Variants in DZIP3 observed in about 807,000 individuals in gnomAD.
DZIP3 encodes E3 ubiquitin-protein ligase DZIP3.
In DZIP3, 118 loss-of-function variants were observed where a neutral mutation model predicts 162.0. The ratio of observed to expected loss-of-function variants is 0.73; its 90% CI spans 0.63 to 0.85. DZIP3 has a LOEUF of 0.85. DZIP3 is among the 40% of genes least tolerant of loss of function. DZIP3 has a pLI of 0.00. For synonymous variants in DZIP3, 438 were observed against 458.6 expected (o/e 0.96, Z 0.57); for missense variants, 1,331 against 1,407.0 (o/e 0.95, Z 0.86).
chr3:108,618,241 C>T (rs1941121143), intron 5 of DZIP3, among the ~76,000 whole-genome samples: 1 of 152,160 alleles, frequency 6.6e-6, no homozygotes, highest in Admixed American at 6.6e-5. Flanking sequence ...GTTTTTCCTC[C>T]TCTAATTATA....
intron 21 of DZIP3, among the ~76,000 whole-genome samples, chr3:108,663,504 C>G (rs1295552484): frequency 6.7e-6 from 1 of 149,432 alleles, no homozygotes; most frequent in African/African-American, 2.5e-5. Flanking sequence ...TGCAGTGAGC[C>G]GAGATCGTGC....
chr3:108,658,482 T>C (rs932481129), intron 19 of DZIP3, among the ~76,000 whole-genome samples: 4 of 151,764 alleles, frequency 2.6e-5, no homozygotes, highest in Non-Finnish European at 4.4e-5. Context: ...CTGGGACACA[T>C]TCAAAGCAGT....
At chr3:108,687,860 G>C (rs550873839) in intron 28 of DZIP3, 116 bp from the exon 29 acceptor site, 1 of 1,358,592 alleles carries the variant, frequency 7.4e-7, no homozygotes, top group East Asian at 2.3e-5. Context: ...AAAGAGTCCT[G>C]TCTGTATGCT....
chr3:108,687,316 GT>G (rs2107430583), intron 28 of DZIP3, among the ~76,000 whole-genome samples: 2 of 152,170 alleles, frequency 1.3e-5, no homozygotes, highest in East Asian at 3.9e-4. Flanking sequence ...ATCAAAGGTA[GT>G]TGCATAAGGC....
Position 108,611,293 on chromosome 3 carries a change from G to A in DZIP3, c.222G>A (p.Lys74=). Residue 74 remains lysine, a synonymous_variant, in exon 4 of 33, where the codon AAG becomes AAA. Transcript: ENST00000361582. ...LPKGVVPHIK[K]FLQEDFSFQT... is the part of the protein sequence containing the mutation. The stretch of plus-strand genomic sequence containing the variant: ...AAGGTGTGGTTCCTCACATTAAGAA[G>A]TTCTTACAAGAAGATTTTTCCTTCC... The A allele has an allele frequency of 1.2e-6, 2 of 1,611,540 alleles. No individual in the cohort carries two copies. Among genetic ancestry groups the A allele is most frequent in the African/African-American group, 1.3e-5 (1 of 74,880 alleles).
At chr3:108,642,543 T>C (rs753262206) in intron 13 of DZIP3, 29 bp downstream of exon 13, 1 of 1,420,066 alleles carries the variant, frequency 7.0e-7, no homozygotes. Flanking sequence ...ATGCCTTCTG[T>C]TGAAAAGTAT....
intron 8 of DZIP3, 120 bp downstream of exon 8, chr3:108,629,296 C>T (rs1473563044): frequency 3.1e-6 from 2 of 650,946 alleles, no homozygotes; most frequent in South Asian, 2.1e-5. Context: ...AAGAAACAAC[C>T]TTTATTGCAT....
intron 12 of DZIP3, among the ~76,000 whole-genome samples, chr3:108,640,695 C>T (rs1273160377): frequency 6.6e-6 from 1 of 152,068 alleles, no homozygotes; most frequent in African/African-American, 2.4e-5. Flanking sequence ...CCACCCTCTT[C>T]GGCCTCCCAA....
chr3:108,638,056 G>A (rs1211229852), intron 12 of DZIP3, among the ~76,000 whole-genome samples: 5 of 152,156 alleles, frequency 3.3e-5, no homozygotes, highest in Non-Finnish European at 7.4e-5. Flanking sequence ...ACGTGTAAAT[G>A]CCATTTTTCA....
intron 19 of DZIP3, among the ~76,000 whole-genome samples, chr3:108,656,067 G>A (rs1943101639): frequency 6.6e-6 from 1 of 152,188 alleles, no homozygotes; most frequent in South Asian, 2.1e-4. Context: ...CACCTCTGGG[G>A]GCAGGGCATA....
intron 8 of DZIP3, among the ~76,000 whole-genome samples, chr3:108,631,662 G>C (rs1401718367): frequency 2.2e-5 from 3 of 137,330 alleles, no homozygotes; most frequent in Non-Finnish European, 4.6e-5. Flanking sequence ...GGGCTCAAGT[G>C]ATCCTCCCAC....
At chr3:108,661,825 T>TA in intron 19 of DZIP3, 52 bp from the exon 20 acceptor site, 2 of 1,492,790 alleles carry the variant, frequency 1.3e-6, no homozygotes, top group Non-Finnish European at 1.8e-6. Flanking sequence ...TTCAAATAAC[T>TA]AAAATTTTTT....
chr3:108,649,221 TG>T (rs1038878443), intron 17 of DZIP3, among the ~76,000 whole-genome samples: 2 of 151,920 alleles, frequency 1.3e-5, no homozygotes, highest in African/African-American at 2.4e-5. Context: ...ATTAGTCACA[TG>T]GAAATTTCAT....
intron 21 of DZIP3, among the ~76,000 whole-genome samples, chr3:108,665,169 A>C (rs1489302423): frequency 6.6e-6 from 1 of 152,202 alleles, no homozygotes; most frequent in Admixed American, 6.6e-5. Flanking sequence ...CAGATATTGG[A>C]ATTATCTGAC....
intron 17 of DZIP3, 48 bp from the exon 18 acceptor site, chr3:108,651,089 G>T (rs773734083): frequency 1.6e-6 from 1 of 640,846 alleles, no homozygotes; most frequent in Admixed American, 4.1e-5. Flanking sequence ...CTAGTATGTT[G>T]TTTTGATATA....
intron 2 of DZIP3, among the ~76,000 whole-genome samples, chr3:108,606,558 CACAAAGTA>C (rs1940387932): frequency 6.6e-6 from 1 of 151,978 alleles, no homozygotes; most frequent in South Asian, 2.1e-4. Context: ...ATAATTATTC[CACAAAGTA>C]ACATTTGAAC....
At chr3:108,603,803 T>G (rs1940167773) in intron 1 of DZIP3, among the ~76,000 whole-genome samples, 1 of 152,180 alleles carries the variant, frequency 6.6e-6, no homozygotes, top group African/African-American at 2.4e-5. Flanking sequence ...GTATGTGGTA[T>G]CATAATTAGG....
intron 1 of DZIP3, among the ~76,000 whole-genome samples, chr3:108,600,981 C>T (rs1043823895): frequency 3.0e-4 from 46 of 152,134 alleles, no homozygotes; most frequent in African/African-American, 1.1e-3. Flanking sequence ...CGAAGAAACT[C>T]AAATAATTTT....
chr3:108,637,472 A>ATT, intron 11 of DZIP3, 24 bp from the exon 12 acceptor site: 1 of 1,605,086 alleles, frequency 6.2e-7, no homozygotes, highest in Non-Finnish European at 8.5e-7. Flanking sequence ...CTTTAGGGCT[A>ATT]TTTTTTTTCC....
Sources: gnomAD v4.1 joint callset for allele counts (sites outside exome capture counted in the v4.1 genomes callset) on GRCh38, gnomAD v4.1.1 for gene constraint, MANE v1.5 for transcripts, NCBI Gene and HGNC (gene_info 2026-07-23, HGNC 2026-07-21) for gene names.